Variants in CUEDC2 observed in about 807,000 individuals in gnomAD.
CUEDC2 encodes the protein CUE domain-containing protein 2.
Under a neutral mutation model 36.0 loss-of-function variants are expected in CUEDC2, and 10 were observed. The observed-to-expected ratio is 0.28, with a 90% confidence interval of 0.17 to 0.47. CUEDC2 has a LOEUF of 0.47. Among genes scored for constraint, CUEDC2 ranks in the 20% least tolerant of loss-of-function variants. The pLI, the probability that CUEDC2 is intolerant of heterozygous loss-of-function variation, is 0.99. For synonymous variants in CUEDC2, 133 were observed against 141.8 expected (o/e 0.94, Z 0.44); for missense variants, 269 against 368.1 (o/e 0.73, Z 2.20).
intron 1 of CUEDC2, among the ~76,000 whole-genome samples, chr10:102,428,077 G>T (rs1479655731): frequency 6.6e-6 from 1 of 152,122 alleles, no homozygotes; most frequent in Non-Finnish European, 1.5e-5. Context: ...GAGTAACTGG[G>T]ATTACAGACA....
At position 102,424,217 on chromosome 10, in the gene CUEDC2, C is replaced by CT; in HGVS notation, c.412-40dup. 1 of 1,610,556 alleles carries CT rather than the reference C, an allele frequency of 6.2e-7. No individual in the cohort carries two copies. ...CGTTAACAAGAGGCAATACTCCCCC[C>CT]TTTCCAGCCCCCTGGGTCCCTCATC... On this transcript the variant is annotated intron_variant, in intron 5 of 8. Coordinates refer to ENST00000369937, the MANE Select transcript of CUEDC2 (RefSeq NM_024040.3). The surrounding 1 kb of genome is among the most constrained non-coding windows in gnomAD (Gnocchi z 4.2).
rs2061588684 is a variant in CUEDC2 at position 102,424,552 on chromosome 10, A to G, written c.227T>C (p.Ile76Thr). ...TGAGAGCTTCTGCATCATGTCCCCT[A>G]TTGTGCCCCTGAAAAGATGAGGGCA... Reference protein sequence around the residue: ...PGFAHIPRGTIGDMMQKLSGQ... With the variant: ...PGFAHIPRGTTGDMMQKLSGQ... The change falls in exon 4 of 9, where the codon ATA becomes ACA. Residue 76 changes from isoleucine (I) to threonine (T), a missense_variant. Transcript: ENST00000369937. This position sits in a 1 kb window ranked among gnomAD's most constrained non-coding sequence, Gnocchi z 4.2. 1.2e-6 allele frequency: 2 copies of G among 1,614,042 alleles called. No individual in the cohort carries two copies. The highest frequency in any genetic ancestry group is 1.7e-6 in the Non-Finnish European group (2 of 1,180,002).
Position 102,423,675 on chromosome 10 carries a change from C to A in CUEDC2, c.699G>T (p.Arg233=). ...CTCTCACCTCCTTGGGAGCCATGGG[C>A]CGGTGAATCTTCTGATCCTCTGCGC... ...VDSAEDQKIH[R]PMAPKEAPKK... The change falls in exon 8 of 9, where the codon CGG becomes CGT. Residue 233 remains arginine (R), a synonymous_variant. Coordinates refer to ENST00000369937, the MANE Select transcript of CUEDC2 (RefSeq NM_024040.3). The surrounding 1 kb of genome is among the most constrained non-coding windows in gnomAD (Gnocchi z 5.6). The A allele has an allele frequency of 6.2e-7, 1 of 1,614,202 alleles. No homozygotes were observed. The highest frequency in any genetic ancestry group is 8.5e-7 in the Non-Finnish European group (1 of 1,180,034).
rs373873420 is a variant in CUEDC2, at chr10:102,424,054, A to G, written c.536T>C (p.Val179Ala). ...TTCCTTTCCCTCTACCAGCATCTGC[A>G]CAGCTTCTTCCAAGTCCCCCCGAGC... ...AKARGDLEEA[V>A]QMLVEGKEEG... The change falls in exon 6 of 9, where the codon GTG (valine) becomes GCG (alanine). Residue 179 changes from valine to alanine, a missense_variant. By Grantham distance (64) the Val-to-Ala change is moderately conservative. Transcript: ENST00000369937. The surrounding 1 kb of genome is among the most constrained non-coding windows in gnomAD (Gnocchi z 4.2). The G allele has an allele frequency of 4.0e-5, 65 of 1,613,990 alleles. No individual in the cohort carries two copies. The highest frequency in any genetic ancestry group is 1.6e-4 in the Middle Eastern group (1 of 6,080).
chr10:102,428,206 G>T (rs554229821), intron 1 of CUEDC2, among the ~76,000 whole-genome samples: 2 of 151,710 alleles, frequency 1.3e-5, no homozygotes, highest in Non-Finnish European at 2.9e-5. Flanking sequence ...CTCCCAAAGT[G>T]CTGGGATTAC....
chr10:102,425,986 G>A (rs1277359541), intron 1 of CUEDC2, among the ~76,000 whole-genome samples: 1 of 152,040 alleles, frequency 6.6e-6, no homozygotes, highest in Admixed American at 6.6e-5. Context: ...TACCTCCTCA[G>A]AGAGCCCTTC....
chr10:102,424,173 A>C lies in CUEDC2; in HGVS notation c.417T>G (p.Thr139=), dbSNP rs763849130. ...AAAADTQDEA[T]GAEEELLPGV... ...CTGGCAGAAGCTCCTCCTCAGCGCC[A>C]GTTGCCTAAGGGTACAAACGTTAAC... The change falls in exon 6 of 9, where the codon ACT becomes ACG. Residue 139 remains threonine, a synonymous_variant. Coordinates refer to ENST00000369937, the MANE Select transcript of CUEDC2 (RefSeq NM_024040.3). This position sits in a 1 kb window ranked among gnomAD's most constrained non-coding sequence, Gnocchi z 4.2. The C allele has an allele frequency of 6.2e-7, 1 of 1,613,834 alleles. No homozygotes were observed. The highest frequency in any genetic ancestry group is 1.1e-5 in the South Asian group (1 of 91,066).
intron 1 of CUEDC2, among the ~76,000 whole-genome samples, chr10:102,425,753 T>C (rs1464484958): frequency 6.6e-6 from 1 of 151,984 alleles, no homozygotes; most frequent in African/African-American, 2.4e-5. Flanking sequence ...CTGCCCTTCC[T>C]GCAGCTTAGG....
chr10:102,423,428 A>C lies in CUEDC2; in HGVS notation c.862T>G (p.Ter288GlyextTer29). 2 of 1,614,182 alleles carry C rather than the reference A, an allele frequency of 1.2e-6. No individual in the cohort carries two copies. The highest frequency in any genetic ancestry group is 1.7e-6 in the Non-Finnish European group (2 of 1,180,032). Reference protein sequence around the residue: ...LKPARKYRFH* With the variant: ...LKPARKYRFHG ...TCGGGCAGAGTCCGGCGAGTGCCTC[A>C]ATGGAAGCGGTACTTTCTGGCTGGC... is the stretch of plus-strand genomic sequence containing the variant. The change falls in exon 9 of 9, where the codon TGA becomes GGA. Residue 288 changes from the stop codon to glycine (G), a stop_lost. Transcript: ENST00000369937. This position sits in a 1 kb window ranked among gnomAD's most constrained non-coding sequence, Gnocchi z 5.6.
chr10:102,426,485 G>A (rs948672027), intron 1 of CUEDC2, among the ~76,000 whole-genome samples: 3 of 151,990 alleles, frequency 2.0e-5, no homozygotes, highest in Admixed American at 1.3e-4. Flanking sequence ...TGAAACCTGG[G>A]GATTACCCTT....
In CUEDC2 at chr10:102,424,338, G is replaced by T; in HGVS notation, c.337C>A (p.Pro113Thr). The change falls in exon 5 of 9, where the codon CCC becomes ACC. Residue 113 changes from proline to threonine, a missense_variant. Coordinates refer to ENST00000369937, the MANE Select transcript of CUEDC2 (RefSeq NM_024040.3). The surrounding 1 kb of genome is among the most constrained non-coding windows in gnomAD (Gnocchi z 4.2). ...VQGQVPISPE[P>T]LQRPEMLKEE... ...TTGAGCATTTCGGGCCGCTGCAGGG[G>T]CTCTGGGGAGATGGGCACCTGACCT... The T allele has an allele frequency of 6.2e-7, 1 of 1,614,118 alleles. No homozygotes were observed. The highest frequency in any genetic ancestry group is 8.5e-7 in the Non-Finnish European group (1 of 1,180,006).
chr10:102,425,914 G>T (rs565431863), intron 1 of CUEDC2, among the ~76,000 whole-genome samples: 1 of 151,966 alleles, frequency 6.6e-6, no homozygotes, highest in African/African-American at 2.4e-5. Flanking sequence ...GCTTCCTCCT[G>T]TCTGTGTCCT....
intron 1 of CUEDC2, among the ~76,000 whole-genome samples, chr10:102,425,792 T>C (rs942980001): frequency 7.2e-5 from 11 of 151,798 alleles, no homozygotes; most frequent in Non-Finnish European, 1.5e-4. Context: ...TCCATCCTCC[T>C]CCCCAAGGCC....
intron 1 of CUEDC2, among the ~76,000 whole-genome samples, chr10:102,428,731 A>C: frequency 6.6e-6 from 1 of 152,156 alleles, no homozygotes; most frequent in Non-Finnish European, 1.5e-5. Context: ...TTTTGTAGAA[A>C]AATATTTTTA....
rs1055320646 is a variant in CUEDC2, at chr10:102,425,399, G to A, written c.-10-201C>T. On this transcript the variant is annotated intron_variant, in intron 1 of 8. Coordinates refer to ENST00000369937, the MANE Select transcript of CUEDC2 (RefSeq NM_024040.3). ...TGAGACAGGACAGGGCACTGTGTCT[G>A]GAGACAGCCTCTAGAGGAGGCGCCC... Among the ~76,000 whole-genome samples the A allele has an allele frequency of 2.7e-5, 4 of 150,162 alleles. No homozygotes were observed. In the East Asian group the frequency reaches 7.9e-4, roughly 30 times the overall value.
intron 1 of CUEDC2, among the ~76,000 whole-genome samples, chr10:102,429,989 G>A (rs898281781): frequency 1.8e-4 from 27 of 151,106 alleles, no homozygotes; most frequent in Non-Finnish European, 1.6e-4. Context: ...TGGTAGAGAC[G>A]GGGTTTCACC....
Position 102,424,140 on chromosome 10 carries a change from A to C in CUEDC2, c.450T>G (p.Asp150Glu), listed in dbSNP as rs373178334. The change falls in exon 6 of 9, where the codon GAT becomes GAG. Residue 150 changes from aspartate to glutamate, a missense_variant. Coordinates refer to ENST00000369937, the MANE Select transcript of CUEDC2 (RefSeq NM_024040.3). This position sits in a 1 kb window ranked among gnomAD's most constrained non-coding sequence, Gnocchi z 4.2. ...AGGTAGGGAACACCTCCAGGAGTACATCCACCCCTGGCAGAAGCTCCTCCT... is the reference window on the plus strand; with the variant it reads ...AGGTAGGGAACACCTCCAGGAGTACCTCCACCCCTGGCAGAAGCTCCTCCT... ...GAEEELLPGV[D>E]VLLEVFPTCS... 6.2e-7 allele frequency: 1 copy of C among 1,614,012 alleles called. No homozygotes were observed. Among genetic ancestry groups the C allele is most frequent in the East Asian group, 2.2e-5 (1 of 44,870 alleles).
rs200060563 is a variant in CUEDC2, at chr10:102,424,075, C to A, written c.515G>T (p.Arg172Leu). ...CTGCACAGCTTCTTCCAAGTCCCCC[C>A]GAGCTTTGGCCAGCACCCACTGGGC... ...EQAQWVLAKA[R>L]GDLEEAVQML... is the part of the protein sequence containing the mutation. The change falls in exon 6 of 9, where the codon CGG becomes CTG. Residue 172 changes from arginine (R) to leucine (L), a missense_variant. Coordinates refer to ENST00000369937, the MANE Select transcript of CUEDC2 (RefSeq NM_024040.3). The surrounding 1 kb of genome is among the most constrained non-coding windows in gnomAD (Gnocchi z 4.2). 1.2e-6 allele frequency: 2 copies of A among 1,614,152 alleles called. No homozygotes were observed. The highest frequency in any genetic ancestry group is 3.3e-5 in the Admixed American group (2 of 60,014).
chr10:102,426,346 C>T (rs2061596440), intron 1 of CUEDC2, among the ~76,000 whole-genome samples: 1 of 152,172 alleles, frequency 6.6e-6, no homozygotes, highest in African/African-American at 2.4e-5. Context: ...CATCATCCCA[C>T]TCAGAAGGCT....
Sources: allele counts gnomAD v4.1 joint callset (sites outside exome capture counted in the v4.1 genomes callset), GRCh38; gene constraint gnomAD v4.1.1; non-coding constraint Gnocchi (gnomAD v3.1); transcripts MANE v1.5; gene names NCBI Gene and HGNC (gene_info 2026-07-23, HGNC 2026-07-21).